Variants in TMEM245 observed in about 807,000 individuals in gnomAD.
TMEM245 encodes protein CG-2.
TMEM245 carries 69 observed loss-of-function variants against 101.2 expected under a neutral mutation model. The observed-to-expected ratio is 0.68, with a 90% confidence interval of 0.56 to 0.83. The LOEUF (loss-of-function observed/expected upper bound fraction) is 0.83. Among genes scored for constraint, TMEM245 ranks in the 40% least tolerant of loss-of-function variants. The pLI is 0.00. For missense variants in TMEM245, 1,075 were observed against 1,092.8 expected (o/e 0.98, Z 0.23); for synonymous variants, 537 against 449.8 (o/e 1.19, Z -2.45).
At position 109,016,742 on chromosome 9, in the gene TMEM245, G is replaced by A. The variant is rs866143215; in HGVS notation, c.*3718C>T. 2 of 145,432 alleles carry A rather than the reference G, an allele frequency of 1.4e-5. No individual in the cohort carries two copies. Among genetic ancestry groups the A allele is most frequent in the Non-Finnish European group, 3.0e-5 (2 of 66,966 alleles). 9.0% of individuals were successfully genotyped at this position (145,432 alleles called of 1,614,324 possible). On this transcript the variant is annotated 3_prime_UTR_variant, in exon 18 of 18. Transcript: ENST00000374586. Reference sequence around the variant, plus strand: ...ATATTTTGATGGCAGAATGTTGAAAGACAAGAAACTAATAAAAAGTACTTG... The same window carrying A: ...ATATTTTGATGGCAGAATGTTGAAAAACAAGAAACTAATAAAAAGTACTTG...
At chr9:109,066,509 G>A (rs1031676854) in intron 9 of TMEM245, among the ~76,000 whole-genome samples, 2 of 137,704 alleles carry the variant, frequency 1.5e-5, no homozygotes, top group South Asian at 4.6e-4. Flanking sequence ...AATTTCAAAC[G>A]TTTAGAGACA....
chr9:109,050,248 G>C, intron 14 of TMEM245, 35 bp downstream of exon 14: 4 of 1,605,732 alleles, frequency 2.5e-6, no homozygotes, highest in Non-Finnish European at 2.5e-6. Context: ...AAAAAGTTCT[G>C]GGAGAAATAA....
chr9:109,106,763 G>C (rs903515632), intron 2 of TMEM245, among the ~76,000 whole-genome samples, 154 bp from the exon 3 acceptor site: 18 of 151,924 alleles, frequency 1.2e-4, no homozygotes, highest in Admixed American at 4.6e-4. Flanking sequence ...AAGTCCATTA[G>C]ATAAACTTCA....
At chr9:109,073,194 A>AT in intron 9 of TMEM245, 162 bp downstream of exon 9, 2 of 615,056 alleles carry the variant, frequency 3.3e-6, no homozygotes, top group Non-Finnish European at 5.8e-6. Context: ...CACCCTCTGT[A>AT]TTACATGACA....
chr9:109,107,262 G>A (rs994170430), intron 2 of TMEM245, among the ~76,000 whole-genome samples: 2 of 151,550 alleles, frequency 1.3e-5, no homozygotes, highest in Admixed American at 1.3e-4. Flanking sequence ...AGCCAGGCGT[G>A]GTGGTACATG....
chr9:109,055,848 G>A (rs1828817294), intron 12 of TMEM245, among the ~76,000 whole-genome samples: 1 of 152,088 alleles, frequency 6.6e-6, no homozygotes. Flanking sequence ...TGGTTAGGCT[G>A]ATCTCAAACT....
intron 4 of TMEM245, 90 bp downstream of exon 4, chr9:109,093,385 G>C (rs1830059081): frequency 2.9e-6 from 3 of 1,036,438 alleles, no homozygotes; most frequent in Admixed American, 4.4e-5. Context: ...GGAGTAAGTA[G>C]CATTTTGTGA....
At chr9:109,062,097 C>G (rs916036861) in intron 10 of TMEM245, among the ~76,000 whole-genome samples, 1 of 152,132 alleles carries the variant, frequency 6.6e-6, no homozygotes, top group African/African-American at 2.4e-5. Context: ...CTGGACCTCC[C>G]AGACTCAAGC....
chr9:109,084,862 CTTCCT>C (rs1280249024), intron 7 of TMEM245, among the ~76,000 whole-genome samples: 6 of 152,092 alleles, frequency 3.9e-5, no homozygotes, highest in Non-Finnish European at 2.9e-5. Context: ...TTACACAATG[CTTCCT>C]TTCAACTCAA....
intron 17 of TMEM245, among the ~76,000 whole-genome samples, chr9:109,028,366 A>G (rs1206294197): frequency 6.6e-6 from 1 of 151,792 alleles, no homozygotes. Flanking sequence ...TGGCGGGAGA[A>G]TCATTTGAAT....
At chr9:109,097,962 G>C (rs1830184422) in intron 3 of TMEM245, among the ~76,000 whole-genome samples, 1 of 152,090 alleles carries the variant, frequency 6.6e-6, no homozygotes, top group African/African-American at 2.4e-5. Context: ...GGGTATGTAG[G>C]AAGTACTCAA....
intron 14 of TMEM245, among the ~76,000 whole-genome samples, chr9:109,049,630 C>T (rs547216771): frequency 7.2e-5 from 11 of 152,160 alleles, no homozygotes; most frequent in African/African-American, 2.6e-4. Flanking sequence ...AGTTTGAGAC[C>T]AGCCTGGCCA....
chr9:109,106,460 T>C, intron 3 of TMEM245, 48 bp downstream of exon 3: 4 of 1,272,896 alleles, frequency 3.1e-6, no homozygotes, highest in Non-Finnish European at 3.3e-6. Flanking sequence ...AAAGCTACTC[T>C]CCAAAATACT....
chr9:109,114,031 G>A (rs958784973), intron 1 of TMEM245, among the ~76,000 whole-genome samples: 2 of 152,192 alleles, frequency 1.3e-5, no homozygotes, highest in East Asian at 1.9e-4. Context: ...AGCCGAGAAC[G>A]CGCCATTGCA....
intron 6 of TMEM245, 60 bp from the exon 7 acceptor site, chr9:109,086,080 A>C: frequency 6.5e-7 from 1 of 1,546,130 alleles, no homozygotes; most frequent in Middle Eastern, 1.7e-4. Context: ...ATCATTAGAG[A>C]ATGCAACCAT....
At chr9:109,101,666 A>G (rs1830285013) in intron 3 of TMEM245, among the ~76,000 whole-genome samples, 1 of 152,246 alleles carries the variant, frequency 6.6e-6, no homozygotes, top group Admixed American at 6.5e-5. Context: ...CAAAATAAAT[A>G]AAACCAAGAT....
chr9:109,108,623 T>A, intron 1 of TMEM245, 53 bp from the exon 2 acceptor site: 1 of 1,176,424 alleles, frequency 8.5e-7, no homozygotes, highest in Non-Finnish European at 1.2e-6. Flanking sequence ...AAAATGAACA[T>A]ACAATTATAC....
chr9:109,081,951 T>C (rs907234541), intron 7 of TMEM245, among the ~76,000 whole-genome samples: 4 of 152,200 alleles, frequency 2.6e-5, no homozygotes, highest in African/African-American at 9.6e-5. Context: ...AAAGCTACCA[T>C]CTAACATTTC....
rs1168270157 is a variant in TMEM245 at position 109,054,820 on chromosome 9, GT to G, written c.1854+2370del. Among the ~76,000 whole-genome samples the G allele has an allele frequency of 3.3e-5, 5 of 152,244 alleles. 1 individual carries two copies. The highest frequency in any genetic ancestry group is 2.6e-4 in the Admixed American group (4 of 15,286). ...CAAACTATTTAACACCTGTGAGCCT[GT>G]TTTTTTGTTATTAAAATGAAGGCAA... On this transcript the variant is annotated intron_variant, in intron 12 of 17. Transcript: ENST00000374586.
Sources: allele counts gnomAD v4.1 joint callset (sites outside exome capture counted in the v4.1 genomes callset), GRCh38; gene constraint gnomAD v4.1.1; transcripts MANE v1.5; gene names NCBI Gene and HGNC (gene_info 2026-07-23, HGNC 2026-07-21).